SLIT3: variants seen among roughly 807,000 people sequenced by gnomAD.
SLIT3 encodes the protein slit guidance ligand 3.
A neutral mutation model predicts 184.0 loss-of-function variants in SLIT3; 68 were observed. The observed-to-expected ratio is 0.37, with a 90% CI of 0.30 to 0.45. The LOEUF is 0.45. SLIT3 is among the 20% of genes least tolerant of loss of function. SLIT3 has a pLI of 1.00. For synonymous variants in SLIT3, 831 were observed against 828.6 expected, an observed-to-expected ratio of 1.00 and a Z score of -0.05; for missense variants, 1,707 against 2,026.0, an observed-to-expected ratio of 0.84 and a Z score of 3.02.
At chr5:168,934,110 C>T (rs1355766361) in intron 4 of SLIT3, among the ~76,000 whole-genome samples, 3 of 152,192 alleles carry the variant, frequency 2.0e-5, no homozygotes, top group African/African-American at 4.8e-5. Context: ...ACCTGCTTCC[C>T]GGAAGCCCAC....
chr5:169,280,685 A>G (rs1766966012), intron 1 of SLIT3, among the ~76,000 whole-genome samples: 1 of 152,130 alleles, frequency 6.6e-6, no homozygotes, highest in Non-Finnish European at 1.5e-5. Flanking sequence ...ATCTGGCTGG[A>G]GCATCTCGGA....
chr5:169,277,439 T>C (rs999453100), intron 1 of SLIT3, among the ~76,000 whole-genome samples: 3 of 152,108 alleles, frequency 2.0e-5, no homozygotes, highest in African/African-American at 4.8e-5. Flanking sequence ...GCAGGTCCCA[T>C]GTTGCCCAGG....
chr5:168,961,447 G>T (rs185859821), intron 4 of SLIT3, among the ~76,000 whole-genome samples: 1 of 152,242 alleles, frequency 6.6e-6, no homozygotes, highest in African/African-American at 2.4e-5. Flanking sequence ...GAGAGTGGGA[G>T]GTGAGAGCCC....
At chr5:169,149,918 T>C (rs1002378825) in intron 4 of SLIT3, among the ~76,000 whole-genome samples, 7 of 152,194 alleles carry the variant, frequency 4.6e-5, no homozygotes, top group Admixed American at 1.3e-4. Flanking sequence ...CTATGCCAAG[T>C]ACTATCACTG....
At chr5:169,126,496 A>T (rs1229229260) in intron 4 of SLIT3, among the ~76,000 whole-genome samples, 1 of 152,238 alleles carries the variant, frequency 6.6e-6, no homozygotes, top group South Asian at 2.1e-4. Context: ...TTTGATTCAT[A>T]GTCAAGGGAC....
intron 4 of SLIT3, among the ~76,000 whole-genome samples, chr5:169,005,448 T>C (rs1003553411): frequency 2.6e-4 from 40 of 152,130 alleles, no homozygotes; most frequent in African/African-American, 9.7e-4. Flanking sequence ...CATGGCAAGG[T>C]GAACGGTAAA....
chr5:168,961,417 C>A (rs1581248120), intron 4 of SLIT3, among the ~76,000 whole-genome samples: 1 of 152,154 alleles, frequency 6.6e-6, no homozygotes, highest in African/African-American at 2.4e-5. Context: ...GTTTCTTGCA[C>A]CAAGACTGAT....
At chr5:168,936,046 C>A (rs948073707) in intron 4 of SLIT3, among the ~76,000 whole-genome samples, 1 of 152,324 alleles carries the variant, frequency 6.6e-6, no homozygotes, top group East Asian at 1.9e-4. Context: ...GTTTCCCCCA[C>A]AAAATTAGGG....
At chr5:168,709,229 G>A (rs889290670) in intron 25 of SLIT3, among the ~76,000 whole-genome samples, 1 of 151,802 alleles carries the variant, frequency 6.6e-6, no homozygotes, top group Non-Finnish European at 1.5e-5. Flanking sequence ...CCAAGTAGCT[G>A]GGATTACAAG....
At chr5:168,775,722 CT>C (rs903339468) in intron 12 of SLIT3, among the ~76,000 whole-genome samples, 4 of 152,188 alleles carry the variant, frequency 2.6e-5, no homozygotes, top group African/African-American at 9.7e-5. Context: ...TCTCACTTCT[CT>C]AAGGCGGCAC....
rs1418740019 is a variant in SLIT3, at chr5:168,662,581, C to T, written c.*3873G>A. The T allele has an allele frequency of 6.6e-6, 1 of 152,202 alleles. No individual in the cohort carries two copies. Among genetic ancestry groups the T allele is most frequent in the Non-Finnish European group, 1.5e-5 (1 of 68,050 alleles). The allele number at this position is 152,202 out of a possible 1,614,324, so 9.4% of individuals were successfully genotyped here. A position where few individuals can be genotyped will look rare whatever the true frequency, so the allele number is the denominator to read the frequency against. Reference sequence around the variant, plus strand: ...AGGCAAAACTGTCTTCTAACAAGGGCCTTTTGGCATGTCCATAACAGCAAC... The same window carrying T: ...AGGCAAAACTGTCTTCTAACAAGGGTCTTTTGGCATGTCCATAACAGCAAC... On this transcript the variant is annotated 3_prime_UTR_variant, in exon 36 of 36. Coordinates refer to ENST00000519560, the MANE Select transcript of SLIT3 (RefSeq NM_003062.4).
intron 4 of SLIT3, among the ~76,000 whole-genome samples, chr5:169,193,029 C>T (rs1018220911): frequency 1.2e-4 from 18 of 152,248 alleles, no homozygotes; most frequent in East Asian, 5.8e-4. Context: ...AGACTGGCAG[C>T]GCTAGGAAGT....
intron 4 of SLIT3, among the ~76,000 whole-genome samples, chr5:169,040,196 C>T (rs1377724527): frequency 2.6e-5 from 4 of 152,160 alleles, no homozygotes; most frequent in East Asian, 1.9e-4. Flanking sequence ...AATCACAGCC[C>T]GTCAGCTCTG....
chr5:168,782,032 C>T (rs1755992327), intron 12 of SLIT3, among the ~76,000 whole-genome samples: 1 of 152,166 alleles, frequency 6.6e-6, no homozygotes, highest in Non-Finnish European at 1.5e-5. Context: ...TAAATGTTAG[C>T]TGCTATTATT....
At chr5:168,929,346 T>C (rs936953465) in intron 4 of SLIT3, among the ~76,000 whole-genome samples, 2 of 152,234 alleles carry the variant, frequency 1.3e-5, no homozygotes, top group African/African-American at 4.8e-5. Context: ...AGCAAAATAC[T>C]GTGTTAAACT....
At chr5:168,972,323 A>G (rs1041244031) in intron 4 of SLIT3, among the ~76,000 whole-genome samples, 6 of 69,610 alleles carry the variant, frequency 8.6e-5, no homozygotes, top group African/African-American at 3.0e-4. Flanking sequence ...GTTGATGGCT[A>G]GCTGCAGGAC....
Position 168,756,157 on chromosome 5 carries a change from T to C in SLIT3, c.1686-2150A>G, listed in dbSNP as rs1379868694. Among the ~76,000 whole-genome samples, 3 of 152,138 alleles carry C rather than the reference T, an allele frequency of 2.0e-5. No homozygotes were observed. The East Asian group carries it at 5.8e-4, about 29-fold the overall frequency. ...GCTCGCAGAGATAGACCAGGACCAT[T>C]TTACTGCTGAAGATACTGAGTCCCA... On this transcript the variant is annotated intron_variant, in intron 16 of 35. Transcript: ENST00000519560.
intron 1 of SLIT3, among the ~76,000 whole-genome samples, chr5:169,254,653 C>G (rs1380478223): frequency 6.6e-6 from 1 of 152,114 alleles, no homozygotes; most frequent in Non-Finnish European, 1.5e-5. Context: ...CTTGCTCTCT[C>G]GCTCCCCTCA....
At chr5:168,957,977 T>A (rs1762886224) in intron 4 of SLIT3, among the ~76,000 whole-genome samples, 1 of 152,176 alleles carries the variant, frequency 6.6e-6, no homozygotes, top group South Asian at 2.1e-4. Context: ...ATCATCAAAC[T>A]ATTTCATTTT....
Sources: allele counts gnomAD v4.1 joint callset (sites outside exome capture counted in the v4.1 genomes callset), GRCh38; gene constraint gnomAD v4.1.1; transcripts MANE v1.5; gene names NCBI Gene and HGNC (gene_info 2026-07-23, HGNC 2026-07-21).